FRAS1: variants seen among roughly 807,000 people sequenced by gnomAD.
The protein encoded by FRAS1 is Fraser extracellular matrix complex subunit 1, also known as extracellular matrix organizing protein FRAS1.
In FRAS1, 290 loss-of-function variants were observed where a neutral mutation model predicts 435.2. The ratio of observed to expected loss-of-function variants is 0.67; its 90% CI spans 0.61 to 0.73. The LOEUF is 0.73. FRAS1 is among the 30% of genes least tolerant of loss of function. FRAS1 has a pLI of 0.00. For synonymous variants in FRAS1, 1,800 were observed against 1,851.0 expected, an observed-to-expected ratio of 0.97 and a Z score of 0.71; for missense variants, 4,860 against 5,001.5, an observed-to-expected ratio of 0.97 and a Z score of 0.85.
At chr4:78,088,848 A>C (rs1741352087) in intron 2 of FRAS1, among the ~76,000 whole-genome samples, 2 of 152,354 alleles carry the variant, frequency 1.3e-5, no homozygotes, top group East Asian at 1.9e-4. Context: ...AAACTAGTTC[A>C]ACCATTGTGG....
chr4:78,370,445 T>C (rs1332651574), intron 23 of FRAS1, among the ~76,000 whole-genome samples: 2 of 152,342 alleles, frequency 1.3e-5, no homozygotes, highest in East Asian at 3.9e-4. Flanking sequence ...GCTCTAGTAA[T>C]GTTGGATATG....
intron 70 of FRAS1, among the ~76,000 whole-genome samples, chr4:78,533,169 T>C (rs1721775004): frequency 6.6e-6 from 1 of 152,252 alleles, no homozygotes; most frequent in Admixed American, 6.5e-5. Flanking sequence ...GTTCTCCTTA[T>C]CACCTGTTAC....
At chr4:78,072,889 G>A (rs912397463) in intron 2 of FRAS1, among the ~76,000 whole-genome samples, 5 of 152,084 alleles carry the variant, frequency 3.3e-5, no homozygotes, top group Non-Finnish European at 7.4e-5. Flanking sequence ...AGATATTCAA[G>A]TTGAGACTAG....
intron 66 of FRAS1, among the ~76,000 whole-genome samples, chr4:78,518,452 ATTTATTTATTTATT>A (rs889576621): frequency 9.1e-5 from 9 of 99,018 alleles, no homozygotes; most frequent in Admixed American, 4.9e-4. Flanking sequence ...ATATATATAT[ATTTATTTATTTATT>A]TATTTGTGGA....
In FRAS1 at chr4:78,316,219, A is replaced by G. The variant is rs1409317606; in HGVS notation, c.1819+485A>G. 2.0e-5 allele frequency among the ~76,000 whole-genome samples: 3 copies of G among 152,224 alleles called. No homozygotes were observed. The East Asian group carries it at 5.8e-4, about 29-fold the overall frequency. ...CTTATATATTGTTTCTTTCAGACTT[A>G]TGCAGCCTAAACTATGAAACATACC... On this transcript the variant is annotated intron_variant, in intron 16 of 73. Coordinates refer to ENST00000512123, the MANE Select transcript of FRAS1 (RefSeq NM_025074.7).
At chr4:78,451,406 A>G (rs1719017897) in intron 45 of FRAS1, among the ~76,000 whole-genome samples, 1 of 152,142 alleles carries the variant, frequency 6.6e-6, no homozygotes. Flanking sequence ...AATATATAAT[A>G]GGGTCACTCC....
chr4:78,423,801 T>G (rs1733893911), intron 34 of FRAS1, among the ~76,000 whole-genome samples: 1 of 152,170 alleles, frequency 6.6e-6, no homozygotes, highest in Admixed American at 6.5e-5. Flanking sequence ...GTAACCCCTA[T>G]GTTACAAGTC....
intron 18 of FRAS1, among the ~76,000 whole-genome samples, chr4:78,324,363 G>A (rs567082587): frequency 1.2e-3 from 188 of 152,138 alleles, no homozygotes; most frequent in African/African-American, 4.3e-3. Flanking sequence ...TTAACTGAGC[G>A]TCTTGTGTTT....
At chr4:78,079,997 G>T (rs994825670) in intron 2 of FRAS1, among the ~76,000 whole-genome samples, 1 of 152,096 alleles carries the variant, frequency 6.6e-6, no homozygotes, top group Non-Finnish European at 1.5e-5. Context: ...TGCCTGGTTG[G>T]CCTAATGAAC....
At chr4:78,455,792 C>T (rs1719174640) in intron 47 of FRAS1, among the ~76,000 whole-genome samples, 1 of 152,204 alleles carries the variant, frequency 6.6e-6, no homozygotes, top group Non-Finnish European at 1.5e-5. Flanking sequence ...AGGCCACACC[C>T]TCACATCAGG....
intron 2 of FRAS1, among the ~76,000 whole-genome samples, chr4:78,176,347 C>A: frequency 6.6e-6 from 1 of 152,002 alleles, no homozygotes; most frequent in Non-Finnish European, 1.5e-5. Flanking sequence ...AATCATTGCG[C>A]CCCTCCCATT....
intron 14 of FRAS1, among the ~76,000 whole-genome samples, chr4:78,301,326 A>G (rs546789432): frequency 2.0e-5 from 3 of 152,290 alleles, no homozygotes; most frequent in East Asian, 3.9e-4. Context: ...TCAGTTATTC[A>G]GAATAGGTCA....
chr4:78,159,195 G>A (rs999165850), intron 2 of FRAS1, among the ~76,000 whole-genome samples: 2 of 152,158 alleles, frequency 1.3e-5, no homozygotes, highest in African/African-American at 4.8e-5. Context: ...TCAGAGAAAA[G>A]CTATCAAATT....
At chr4:78,436,938 A>G (rs1427642341) in intron 38 of FRAS1, among the ~76,000 whole-genome samples, 7 of 152,178 alleles carry the variant, frequency 4.6e-5, no homozygotes, top group Admixed American at 3.9e-4. Flanking sequence ...ATGTAAAAAT[A>G]ATGAAAAGAA....
intron 2 of FRAS1, among the ~76,000 whole-genome samples, chr4:78,151,574 G>C (rs143794382): frequency 6.6e-4 from 101 of 152,250 alleles, no homozygotes; most frequent in African/African-American, 2.3e-3. Context: ...TTTTCTGTGC[G>C]TTCAAGTTAA....
intron 30 of FRAS1, among the ~76,000 whole-genome samples, chr4:78,403,531 G>A (rs1210540945): frequency 6.6e-6 from 1 of 152,142 alleles, no homozygotes; most frequent in African/African-American, 2.4e-5. Flanking sequence ...ACGTAAATTT[G>A]TGGAGACTTT....
At chr4:78,413,971 A>T (rs1159267993) in intron 32 of FRAS1, among the ~76,000 whole-genome samples, 1 of 152,194 alleles carries the variant, frequency 6.6e-6, no homozygotes, top group Non-Finnish European at 1.5e-5. Context: ...ATTAATCATC[A>T]TGGGTCCACA....
intron 2 of FRAS1, among the ~76,000 whole-genome samples, chr4:78,158,358 C>T (rs533180045): frequency 3.3e-5 from 5 of 151,976 alleles, no homozygotes; most frequent in Non-Finnish European, 5.9e-5. Context: ...TTTCTTTAAG[C>T]AATATTTTGT....
At chr4:78,449,294 A>G (rs899866792) in intron 44 of FRAS1, among the ~76,000 whole-genome samples, 1 of 152,160 alleles carries the variant, frequency 6.6e-6, no homozygotes, top group East Asian at 1.9e-4. Flanking sequence ...AGAGGGGAAT[A>G]CTGAGCTTGG....
Sources: allele counts gnomAD v4.1 joint callset (sites outside exome capture counted in the v4.1 genomes callset), GRCh38; gene constraint gnomAD v4.1.1; transcripts MANE v1.5; gene names NCBI Gene and HGNC (gene_info 2026-07-23, HGNC 2026-07-21).